The following NLGN1 variants were observed in gnomAD, a reference collection of about 807,000 sequenced individuals.
NLGN1 encodes the protein neuroligin 1, also known as neuroligin-1.
NLGN1 carries 12 observed loss-of-function variants against 65.5 expected under a neutral mutation model. That is an observed-to-expected ratio of 0.18 (90% CI 0.12 to 0.30). The LOEUF is 0.30. Ranked by LOEUF, NLGN1 falls within the 10% of genes least tolerant of loss-of-function variation. NLGN1 has a pLI of 1.00. For synonymous variants in NLGN1, 350 were observed against 359.5 expected, an observed-to-expected ratio of 0.97 and a Z score of 0.30; for missense variants, 750 against 1,007.1, an observed-to-expected ratio of 0.74 and a Z score of 3.46.
chr3:173,831,604 T>C (rs1329381517), intron 4 of NLGN1, among the ~76,000 whole-genome samples: 1 of 152,190 alleles, frequency 6.6e-6, no homozygotes, highest in Non-Finnish European at 1.5e-5. Flanking sequence ...AAGTACAATG[T>C]TTGTACTTTC....
At chr3:173,924,501 G>A (rs1255900308) in intron 4 of NLGN1, among the ~76,000 whole-genome samples, 3 of 151,858 alleles carry the variant, frequency 2.0e-5, no homozygotes, top group East Asian at 3.9e-4. Context: ...AGGTATGCCT[G>A]TAGTCCAGCA....
intron 4 of NLGN1, among the ~76,000 whole-genome samples, chr3:173,958,093 C>T (rs1245728001): frequency 2.0e-5 from 3 of 152,188 alleles, no homozygotes; most frequent in African/African-American, 7.2e-5. Context: ...AACAAGGTGT[C>T]ACAGCCCTGG....
intron 4 of NLGN1, among the ~76,000 whole-genome samples, chr3:174,053,217 C>T (rs1735304033): frequency 6.6e-6 from 1 of 151,774 alleles, no homozygotes; most frequent in African/African-American, 2.4e-5. Flanking sequence ...TCTAAATATC[C>T]CTGAGCCTTA....
chr3:173,878,541 A>T (rs1412694985), intron 4 of NLGN1, among the ~76,000 whole-genome samples: 1 of 151,774 alleles, frequency 6.6e-6, no homozygotes, highest in Non-Finnish European at 1.5e-5. Flanking sequence ...ACTGCTATGA[A>T]GATCATTGTG....
intron 4 of NLGN1, among the ~76,000 whole-genome samples, chr3:174,134,261 G>A (rs906986872): frequency 4.6e-5 from 7 of 152,246 alleles, no homozygotes; most frequent in Admixed American, 6.5e-5. Context: ...GGAGTGACTG[G>A]CTGCCGGGGA....
rs534020940 is a variant in NLGN1, at chr3:173,724,750, A to G, written c.494-82930A>G. Among the ~76,000 whole-genome samples, 4 of 152,312 alleles carry G rather than the reference A, an allele frequency of 2.6e-5. No homozygotes were observed. In the South Asian group the frequency reaches 8.3e-4, roughly 32 times the overall value. On this transcript the variant is annotated intron_variant, in intron 3 of 6. Coordinates refer to ENST00000457714, the Ensembl canonical transcript of NLGN1. ...CATGCACACATATGTTTATTGCGGC[A>G]CTATTCATAACAGCAAAGACTTGGA...
At position 174,209,623 on chromosome 3, in the gene NLGN1, C is replaced by CTTTTTTTTTTTT. The variant is rs796169913; in HGVS notation, c.647-65677_647-65666dup. ...CCCTGGTGTCTATCAACCTTTCTTTCTTTTTTTTTTTTTTTTTTTTTTTTT... is the reference window on the plus strand; with the variant it reads ...CCCTGGTGTCTATCAACCTTTCTTTCTTTTTTTTTTTTTTTTTTTTTTTTTTTTTTTTTTTTT... On this transcript the variant is annotated intron_variant, in intron 4 of 6. Transcript: ENST00000457714. Among the ~76,000 whole-genome samples the CTTTTTTTTTTTT allele has an allele frequency of 1.3e-4, 11 of 82,090 alleles. 1 individual carries two copies. Among genetic ancestry groups the CTTTTTTTTTTTT allele is most frequent in the African/African-American group, 3.9e-4 (8 of 20,612 alleles). The allele number at this position is 82,090 out of a possible 152,430, so 53.9% of individuals were successfully genotyped here. A position where few individuals can be genotyped will look rare whatever the true frequency, so the allele number is the denominator to read the frequency against.
chr3:173,835,983 C>G (rs1453588880), intron 4 of NLGN1, among the ~76,000 whole-genome samples: 1 of 152,144 alleles, frequency 6.6e-6, no homozygotes, highest in Non-Finnish European at 1.5e-5. Context: ...ATTAATAAAT[C>G]CATTTTGTAG....
chr3:173,734,523 A>G (rs1389229746), intron 3 of NLGN1, among the ~76,000 whole-genome samples: 1 of 150,136 alleles, frequency 6.7e-6, no homozygotes, highest in Non-Finnish European at 1.5e-5. Context: ...CAGTCTCTCA[A>G]GTGGCTGGGA....
chr3:173,601,821 A>G (rs1369689249), intron 2 of NLGN1, among the ~76,000 whole-genome samples: 2 of 152,082 alleles, frequency 1.3e-5, no homozygotes, highest in African/African-American at 4.8e-5. Context: ...ATATAGCAAA[A>G]TAAAATATTA....
chr3:173,462,772 A>C (rs1401093042), intron 2 of NLGN1, among the ~76,000 whole-genome samples: 1 of 152,188 alleles, frequency 6.6e-6, no homozygotes, highest in Non-Finnish European at 1.5e-5. Flanking sequence ...AACTGTTTAC[A>C]TTTAAAATAA....
At chr3:173,928,734 C>G (rs1008718103) in intron 4 of NLGN1, among the ~76,000 whole-genome samples, 1 of 149,278 alleles carries the variant, frequency 6.7e-6, no homozygotes. Context: ...TACAATGGCA[C>G]GATCTCGGCT....
At chr3:174,061,167 G>A (rs1460470219) in intron 4 of NLGN1, among the ~76,000 whole-genome samples, 1 of 152,054 alleles carries the variant, frequency 6.6e-6, no homozygotes, top group African/African-American at 2.4e-5. Context: ...AAGTTCTGCT[G>A]CACACAGATT....
intron 4 of NLGN1, among the ~76,000 whole-genome samples, chr3:174,187,846 A>G (rs1042243550): frequency 2.6e-5 from 4 of 151,920 alleles, no homozygotes; most frequent in Non-Finnish European, 4.4e-5. Context: ...TCTCATTGGT[A>G]GAAGTAATAT....
chr3:174,252,451 G>A (rs995859634), intron 4 of NLGN1, among the ~76,000 whole-genome samples: 3 of 151,936 alleles, frequency 2.0e-5, no homozygotes, highest in Non-Finnish European at 2.9e-5. Flanking sequence ...AAAAGAAAGG[G>A]AACATACACA....
At chr3:173,435,589 C>T (rs1466110782) in intron 2 of NLGN1, among the ~76,000 whole-genome samples, 1 of 152,080 alleles carries the variant, frequency 6.6e-6, no homozygotes, top group Non-Finnish European at 1.5e-5. Context: ...AATCCCAGCA[C>T]TTTGGGAGAC....
chr3:173,956,835 A>C (rs1315287433), intron 4 of NLGN1, among the ~76,000 whole-genome samples: 1 of 152,218 alleles, frequency 6.6e-6, no homozygotes, highest in East Asian at 1.9e-4. Flanking sequence ...AAGATTAGTA[A>C]AATCCTACAT....
In NLGN1 at chr3:173,410,941, A is replaced by T. The variant is rs150482574; in HGVS notation, c.-390+12454A>T. ...ACACTTTCAAGGCAACACTTAAAAT[A>T]TTCAGAAGAGCTTCACAAGAGGGAG... On this transcript the variant is annotated intron_variant, in intron 1 of 6. Transcript: ENST00000457714. 5.3e-3 allele frequency among the ~76,000 whole-genome samples: 800 copies of T among 152,364 alleles called. 3 individuals carry two copies. The highest frequency in any genetic ancestry group is 0.018 in the African/African-American group (749 of 41,580).
intron 3 of NLGN1, among the ~76,000 whole-genome samples, chr3:173,699,582 A>C (rs1201371011): frequency 6.6e-6 from 1 of 152,246 alleles, no homozygotes; most frequent in Non-Finnish European, 1.5e-5. Flanking sequence ...TCAGTGAACT[A>C]AGCAACAGAA....
Sources: gnomAD v4.1 joint callset for allele counts (sites outside exome capture counted in the v4.1 genomes callset) on GRCh38, gnomAD v4.1.1 for gene constraint, MANE v1.5 for transcripts, NCBI Gene and HGNC (gene_info 2026-07-23, HGNC 2026-07-21) for gene names.